TPCN1: variants seen among roughly 807,000 people sequenced by gnomAD.
TPCN1 encodes two pore segment channel 1, also known as two pore channel protein 1.
In TPCN1, 52 loss-of-function variants were observed where a neutral mutation model predicts 108.8. The observed-to-expected ratio is 0.48, with a 90% CI of 0.38 to 0.60. The LOEUF is 0.60. Among genes scored for constraint, TPCN1 ranks in the 20% least tolerant of loss-of-function variants. The probability of loss-of-function intolerance (pLI) is 0.00; values close to 1 mark genes in which losing one functional copy is unlikely to be tolerated. For synonymous variants in TPCN1, 446 were observed against 433.7 expected (o/e 1.03, Z -0.35); for missense variants, 806 against 1,072.8 (o/e 0.75, Z 3.47).
chr12:113,228,265 C>G (rs1953546587), intron 2 of TPCN1, among the ~76,000 whole-genome samples: 2 of 152,204 alleles, frequency 1.3e-5, no homozygotes, highest in African/African-American at 4.8e-5. Context: ...CCTTCTTTTA[C>G]TTCTTCAGCT....
At chr12:113,224,315 T>A (rs61943582) in intron 1 of TPCN1, among the ~76,000 whole-genome samples, 8,973 of 152,294 alleles carry the variant, frequency 0.059, 363 homozygotes, top group Middle Eastern at 0.071. Flanking sequence ...CATGGGGCTA[T>A]TAAGAATTTT....
chr12:113,290,830 C>T (rs889550920), intron 22 of TPCN1, 122 bp from the exon 23 acceptor site: 10 of 881,814 alleles, frequency 1.1e-5, no homozygotes, highest in African/African-American at 6.6e-5. Flanking sequence ...ACAACCCAAG[C>T]GGTCATATGG....
chr12:113,273,265 CTGTT>C lies in TPCN1; in HGVS notation c.821_824del (p.Phe274SerfsTer3). 4 of 1,614,248 alleles carry C rather than the reference CTGTT, an allele frequency of 2.5e-6. No individual in the cohort carries two copies. Among genetic ancestry groups the C allele is most frequent in the Non-Finnish European group, 3.4e-6 (4 of 1,180,042 alleles). On this transcript the variant is annotated frameshift_variant, in exon 9 of 28. Transcript: ENST00000335509. LOFTEE classifies it high-confidence loss of function. The surrounding 1 kb of genome is among the most constrained non-coding windows in gnomAD (Gnocchi z 4.0). ...CACCCTGGAGAACAGCATCGTCAGT[CTGTT>C]TGTCCTTCTGACCACAGCCAAGTAA...
intron 3 of TPCN1, among the ~76,000 whole-genome samples, chr12:113,261,248 G>T (rs984393235): frequency 5.3e-5 from 8 of 151,844 alleles, no homozygotes; most frequent in Non-Finnish European, 1.0e-4. Context: ...AATAAATTTA[G>T]ATACAAAGAG....
intron 15 of TPCN1, chr12:113,280,427 A>G: frequency 2.5e-6 from 1 of 403,312 alleles, no homozygotes. Context: ...ATTTTTTGGA[A>G]GCAAATTCCA....
rs1010154228 is a variant in TPCN1, at chr12:113,268,871, C to T, written c.658C>T (p.Arg220Cys). The T allele has an allele frequency of 1.9e-6, 3 of 1,613,518 alleles. No homozygotes were observed. Among genetic ancestry groups the T allele is most frequent in the Admixed American group, 1.7e-5 (1 of 59,988 alleles). Residue 220 changes from arginine to cysteine, a missense_variant and splice_region_variant, in exon 6 of 28, where the codon CGC becomes TGC. Physicochemically the swap from Arg to Cys is radical, Grantham distance 180 (BLOSUM62 -3). Coordinates refer to ENST00000335509, the MANE Select transcript of TPCN1 (RefSeq NM_017901.6). This position sits in a 1 kb window ranked among gnomAD's most constrained non-coding sequence, Gnocchi z 7.3. ...VDCRYCGGVR[R>C]NLRQIFQSLP... ...CTGTCGGTATTGCGGTGGCGTCCGG[C>T]GGTAAGGCCCGGGTGGGGAGCTGGG... is the stretch of plus-strand genomic sequence containing the variant.
At position 113,278,282 on chromosome 12, in the gene TPCN1, C is replaced by T. The variant is rs1183223147; in HGVS notation, c.1233+45C>T. 11 of 1,571,824 alleles carry T rather than the reference C, an allele frequency of 7.0e-6. 1 individual carries two copies. The East Asian group carries it at 2.5e-4, about 35-fold the overall frequency. ...CATAGAAGGAGTAGACAGAGAGGTC[C>T]CCACGTGGGGCAGTGAGGAGCAGGG... On this transcript the variant is annotated intron_variant, in intron 13 of 27. Transcript: ENST00000335509.
intron 3 of TPCN1, among the ~76,000 whole-genome samples, chr12:113,264,730 A>G (rs1448840585): frequency 1.3e-5 from 2 of 152,226 alleles, no homozygotes; most frequent in Non-Finnish European, 2.9e-5. Context: ...ATATCAAAAT[A>G]TCACATTGTA....
In TPCN1 at chr12:113,272,936, T is replaced by C. The variant is rs191691568; in HGVS notation, c.783+244T>C. 4.4e-4 allele frequency among the ~76,000 whole-genome samples: 67 copies of C among 152,272 alleles called. No homozygotes were observed. In the East Asian group the frequency reaches 0.011, roughly 25 times the overall value. ...TGCCGCCAGGATCAGGTTTGGACCA[T>C]TGGAATATTTTGGCAGAGGAGCAGT... On this transcript the variant is annotated intron_variant, in intron 8 of 27. Coordinates refer to ENST00000335509, the MANE Select transcript of TPCN1 (RefSeq NM_017901.6). This position sits in a 1 kb window ranked among gnomAD's most constrained non-coding sequence, Gnocchi z 4.1.
At position 113,287,822 on chromosome 12, in the gene TPCN1, C is replaced by T. The variant is rs190132597; in HGVS notation, c.1635-341C>T. On this transcript the variant is annotated intron_variant, in intron 19 of 27. Coordinates refer to ENST00000335509, the MANE Select transcript of TPCN1 (RefSeq NM_017901.6). ...GGTGAGCTCCATTGCCCCCGCTCCC[C>T]GGGGCACATGGGCTTCTCCCCGCTC... Among the ~76,000 whole-genome samples the T allele has an allele frequency of 3.6e-3, 550 of 152,346 alleles. 1 individual carries two copies. The highest frequency in any genetic ancestry group is 5.3e-3 in the Non-Finnish European group (359 of 68,018).
In TPCN1 at chr12:113,268,900, T is replaced by G. The variant is rs774978314; in HGVS notation, c.659+28T>G. On this transcript the variant is annotated intron_variant, in intron 6 of 27. Transcript: ENST00000335509. The surrounding 1 kb of genome is among the most constrained non-coding windows in gnomAD (Gnocchi z 7.3). ...AAGGCCCGGGTGGGGAGCTGGGCAGTCACTATCCTGGCATGGCCTGACCTC... is the reference window on the plus strand; with the variant it reads ...AAGGCCCGGGTGGGGAGCTGGGCAGGCACTATCCTGGCATGGCCTGACCTC... 6.2e-7 allele frequency: 1 copy of G among 1,612,994 alleles called. No homozygotes were observed. The highest frequency in any genetic ancestry group is 8.5e-7 in the Non-Finnish European group (1 of 1,179,554).
At position 113,286,948 on chromosome 12, in the gene TPCN1, A is replaced by G. The variant is rs1190355124; in HGVS notation, c.1527-39A>G. ...GAGGGGAGCAGGCGCAGGTAGGCTC[A>G]GGGCCACAGGGTGGACCTTGGCCTC... On this transcript the variant is annotated intron_variant, in intron 18 of 27. Coordinates refer to ENST00000335509, the MANE Select transcript of TPCN1 (RefSeq NM_017901.6). 3 of 1,520,108 alleles carry G rather than the reference A, an allele frequency of 2.0e-6. No homozygotes were observed. The South Asian group carries it at 3.4e-5, about 17-fold the overall frequency. The allele number at this position is 1,520,108 out of a possible 1,614,324, so 94.2% of individuals were successfully genotyped here.
At chr12:113,233,212 C>T (rs778517585) in intron 2 of TPCN1, among the ~76,000 whole-genome samples, 22 of 152,240 alleles carry the variant, frequency 1.4e-4, no homozygotes, top group Non-Finnish European at 2.8e-4. Flanking sequence ...CCCCCTTTCC[C>T]GCACACAAGA....
At chr12:113,294,427 G>C (rs1178793564) in intron 27 of TPCN1, among the ~76,000 whole-genome samples, 1 of 151,982 alleles carries the variant, frequency 6.6e-6, no homozygotes, top group African/African-American at 2.4e-5. Context: ...AGGAGCTCGA[G>C]ACCAGCCTGG....
chr12:113,245,810 G>T, intron 2 of TPCN1: 1 of 383,212 alleles, frequency 2.6e-6, no homozygotes, highest in Non-Finnish European at 5.3e-6. Context: ...TGAGGGGTGG[G>T]TCGTGGAAGC....
Position 113,291,891 on chromosome 12 carries a change from T to C in TPCN1, c.2046T>C (p.Ile682=), listed in dbSNP as rs1057160506. ...YIVTMVVMTI[I]VAFILEAFVF... is the part of the protein sequence containing the mutation. ...CTGGCCAGGTGGTGATGACGATCAT[T>C]GTCGCCTTTATCCTCGAGGCCTTCG... Residue 682 remains isoleucine, a synonymous_variant, in exon 25 of 28, where the codon ATT becomes ATC. Transcript: ENST00000335509. 1.5e-5 allele frequency: 24 copies of C among 1,613,972 alleles called. No individual in the cohort carries two copies. Among genetic ancestry groups the C allele is most frequent in the Non-Finnish European group, 2.0e-5 (24 of 1,180,004 alleles).
chr12:113,228,903 G>A (rs201922835), intron 2 of TPCN1, among the ~76,000 whole-genome samples: 3 of 152,220 alleles, frequency 2.0e-5, no homozygotes, highest in Non-Finnish European at 4.4e-5. Flanking sequence ...GGTGTGGCTT[G>A]TGTCTGGAAA....
chr12:113,274,620 A>C (rs1003378188), intron 10 of TPCN1, among the ~76,000 whole-genome samples: 2 of 152,230 alleles, frequency 1.3e-5, no homozygotes, highest in African/African-American at 4.8e-5. Flanking sequence ...GTATATTATA[A>C]TAACCATAAA....
chr12:113,272,762 G>A lies in TPCN1; in HGVS notation c.783+70G>A, dbSNP rs577368978. On this transcript the variant is annotated intron_variant, in intron 8 of 27. Coordinates refer to ENST00000335509, the MANE Select transcript of TPCN1 (RefSeq NM_017901.6). The surrounding 1 kb of genome is among the most constrained non-coding windows in gnomAD (Gnocchi z 4.1). The stretch of plus-strand genomic sequence containing the variant: ...TTTTCCCTCAGACAGGGTCACCGGC[G>A]TGACCCTGTGGCCATATGGGGAAGG... 6.2e-5 allele frequency: 94 copies of A among 1,504,856 alleles called. No individual in the cohort carries two copies. The African/African-American group carries it at 8.1e-4, about 13-fold the overall frequency. The allele number at this position is 1,504,856 out of a possible 1,614,324, so 93.2% of individuals were successfully genotyped here. A position where few individuals can be genotyped will look rare whatever the true frequency, so the allele number is the denominator to read the frequency against.
Sources: gnomAD v4.1 joint callset for allele counts (sites outside exome capture counted in the v4.1 genomes callset) on GRCh38, gnomAD v4.1.1 for gene constraint, Gnocchi (gnomAD v3.1) non-coding constraint, MANE v1.5 for transcripts, NCBI Gene and HGNC (gene_info 2026-07-23, HGNC 2026-07-21) for gene names.